The following NFYA variants were observed in gnomAD, a reference collection of about 807,000 sequenced individuals.
NFYA encodes nuclear transcription factor Y subunit alpha, also known as CAAT-box DNA binding protein subunit A.
Under a neutral mutation model 52.8 loss-of-function variants are expected in NFYA, and 28 were observed. The ratio of observed to expected loss-of-function variants is 0.53; its 90% CI spans 0.39 to 0.73. The LOEUF is 0.73. Ranked by LOEUF, NFYA falls within the 30% of genes least tolerant of loss-of-function variation. The pLI is 0.00. For missense variants in NFYA, 234 were observed against 427.0 expected (o/e 0.55, Z 3.98); for synonymous variants, 150 against 150.7 (o/e 1.00, Z 0.03).
intron 6 of NFYA, among the ~76,000 whole-genome samples, chr6:41,090,764 A>C (rs1369196742): frequency 6.6e-6 from 1 of 152,266 alleles, no homozygotes; most frequent in Non-Finnish European, 1.5e-5. Flanking sequence ...ACGTGAACAA[A>C]TAAATACAAT....
At chr6:41,095,394 T>C (rs897693018) in intron 9 of NFYA, among the ~76,000 whole-genome samples, 1 of 152,196 alleles carries the variant, frequency 6.6e-6, no homozygotes, top group Admixed American at 6.5e-5. Context: ...TATCTCCCTA[T>C]CTGTTAGGTC....
intron 2 of NFYA, among the ~76,000 whole-genome samples, chr6:41,079,403 G>A (rs1269279424): frequency 6.6e-6 from 1 of 152,166 alleles, no homozygotes; most frequent in African/African-American, 2.4e-5. Flanking sequence ...AAAACATCTA[G>A]TCTGGTTTTC....
chr6:41,098,956 T>C lies in NFYA; in HGVS notation c.*1546T>C, dbSNP rs765680327. 3.3e-5 allele frequency: 5 copies of C among 152,254 alleles called. No individual in the cohort carries two copies. Among genetic ancestry groups the C allele is most frequent in the Admixed American group, 6.5e-5 (1 of 15,276 alleles). The allele number at this position is 152,254 out of a possible 1,614,324, so 9.4% of individuals were successfully genotyped here. A position where few individuals can be genotyped will look rare whatever the true frequency, so the allele number is the denominator to read the frequency against. On this transcript the variant is annotated 3_prime_UTR_variant, in exon 10 of 10. Coordinates refer to ENST00000341376, the MANE Select transcript of NFYA (RefSeq NM_002505.5). ...GAAAACCCAATAATTCCGAGGAACA[T>C]TGGGGGTTAAATACCAAGAATAAAA...
Position 41,079,310 on chromosome 6 carries a change from A to C in NFYA, c.75+146A>C. On this transcript the variant is annotated intron_variant, in intron 2 of 9. Coordinates refer to ENST00000341376, the MANE Select transcript of NFYA (RefSeq NM_002505.5). ...GTCTGATGGCTTGTGCTGAAATGCC[A>C]TGTCTAGCCCATGACCACTTAGAAT... is the stretch of plus-strand genomic sequence containing the variant. 4.2e-6 allele frequency: 3 copies of C among 719,810 alleles called. No individual in the cohort carries two copies. The South Asian group carries it at 5.5e-5, about 13-fold the overall frequency. The allele number at this position is 719,810 out of a possible 1,614,324, so 44.6% of individuals were successfully genotyped here. A position where few individuals can be genotyped will look rare whatever the true frequency, so the allele number is the denominator to read the frequency against.
Position 41,100,369 on chromosome 6 carries a change from A to ATCAG in NFYA, c.*2959_*2960insTCAG, listed in dbSNP as rs1764466113. ...TTTGTTTTGGCAGAAGACCAAAACA[A>ATCAG]AAGTACTTTTCTGATTGTTAAAAAT... is the stretch of plus-strand genomic sequence containing the variant. On this transcript the variant is annotated 3_prime_UTR_variant, in exon 10 of 10. Coordinates refer to ENST00000341376, the MANE Select transcript of NFYA (RefSeq NM_002505.5). Among the ~76,000 whole-genome samples the ATCAG allele has an allele frequency of 6.6e-6, 1 of 152,230 alleles. No homozygotes were observed. The highest frequency in any genetic ancestry group is 1.5e-5 in the Non-Finnish European group (1 of 68,034).
intron 4 of NFYA, among the ~76,000 whole-genome samples, chr6:41,088,158 C>T (rs187344606): frequency 1.8e-4 from 27 of 152,234 alleles, no homozygotes; most frequent in African/African-American, 5.8e-4. Context: ...GTGGCCCACA[C>T]CTGTAATCCC....
chr6:41,097,679 C>A lies in NFYA; in HGVS notation c.*269C>A. 2.6e-6 allele frequency: 1 copy of A among 381,402 alleles called. No homozygotes were observed. The highest frequency in any genetic ancestry group is 5.0e-5 in the East Asian group (1 of 20,076). The allele number at this position is 381,402 out of a possible 1,614,324, so 23.6% of individuals were successfully genotyped here. A position where few individuals can be genotyped will look rare whatever the true frequency, so the allele number is the denominator to read the frequency against. On this transcript the variant is annotated 3_prime_UTR_variant, in exon 10 of 10. Coordinates refer to ENST00000341376, the MANE Select transcript of NFYA (RefSeq NM_002505.5). ...CATGGATTCGGATGATGCAAGGAGA[C>A]ACATGCCACCCCAGCAGTACACAAA...
At chr6:41,073,503 C>T (rs141533107) in intron 1 of NFYA, among the ~76,000 whole-genome samples, 7 of 152,208 alleles carry the variant, frequency 4.6e-5, no homozygotes, top group Non-Finnish European at 5.9e-5. Context: ...CAAACTTAAA[C>T]CTGCCCTTGC....
intron 5 of NFYA, 62 bp downstream of exon 5, chr6:41,089,772 T>G: frequency 1.3e-6 from 2 of 1,575,720 alleles, no homozygotes; most frequent in Non-Finnish European, 1.7e-6. Flanking sequence ...GATAACTGAG[T>G]CAGATATTTC....
chr6:41,077,311 A>G lies in NFYA; in HGVS notation c.-61-1718A>G, dbSNP rs566079424. ...TTTGACAAATTTGTACACCTGTGCA[A>G]CTGCTACCACAATGAAGATATAAAA... On this transcript the variant is annotated intron_variant, in intron 1 of 9. Transcript: ENST00000341376. Among the ~76,000 whole-genome samples the G allele has an allele frequency of 7.2e-5, 11 of 152,196 alleles. 1 individual carries two copies. In the South Asian group the frequency reaches 1.9e-3, roughly 26 times the overall value.
chr6:41,091,398 C>T, intron 6 of NFYA, 130 bp from the exon 7 acceptor site: 2 of 813,562 alleles, frequency 2.5e-6, no homozygotes, highest in Admixed American at 2.9e-5. Context: ...CTTTTTCTCC[C>T]CTTGTGTTTT....
chr6:41,093,902 T>C (rs1021986941), intron 8 of NFYA, among the ~76,000 whole-genome samples: 3 of 152,196 alleles, frequency 2.0e-5, no homozygotes, highest in Admixed American at 6.5e-5. Flanking sequence ...CAAATGCCTG[T>C]AGTCCTACTT....
chr6:41,091,402 G>A (rs1212426095), intron 6 of NFYA, 126 bp from the exon 7 acceptor site: 1 of 846,830 alleles, frequency 1.2e-6, no homozygotes, highest in Non-Finnish European at 1.8e-6. Context: ...TTCTCCCCTT[G>A]TGTTTTTCAG....
At chr6:41,080,584 A>G (rs1763877896) in intron 2 of NFYA, among the ~76,000 whole-genome samples, 1 of 152,184 alleles carries the variant, frequency 6.6e-6, no homozygotes, top group Non-Finnish European at 1.5e-5. Context: ...AATGATGACA[A>G]CTGTTTTGAG....
In NFYA at chr6:41,079,182, C is replaced by G; in HGVS notation, c.75+18C>G. ...AGCAGCAGGTATGGAAGCAAAACTG[C>G]TTTAAACATTACAGCAATGAAACTG... On this transcript the variant is annotated intron_variant, in intron 2 of 9. Coordinates refer to ENST00000341376, the MANE Select transcript of NFYA (RefSeq NM_002505.5). 6.2e-7 allele frequency: 1 copy of G among 1,612,570 alleles called. No homozygotes were observed. The highest frequency in any genetic ancestry group is 2.2e-5 in the East Asian group (1 of 44,864).
intron 6 of NFYA, 34 bp downstream of exon 6, chr6:41,090,343 T>C (rs763629023): frequency 6.8e-7 from 1 of 1,476,404 alleles, no homozygotes; most frequent in Non-Finnish European, 9.5e-7. Context: ...TAGGACTTTT[T>C]GGGGCAACTT....
rs188227321 is a variant in NFYA, at chr6:41,101,836, A to T, written c.*4426A>T. 2.6e-5 allele frequency among the ~76,000 whole-genome samples: 4 copies of T among 152,344 alleles called. No homozygotes were observed. The highest frequency in any genetic ancestry group is 1.3e-4 in the Admixed American group (2 of 15,310). On this transcript the variant is annotated 3_prime_UTR_variant, in exon 10 of 10. Coordinates refer to ENST00000341376, the MANE Select transcript of NFYA (RefSeq NM_002505.5). ...GGTGGTCCTTTGGATTCCCAGTGGC[A>T]GCAGCAACCAACCTGGCCCTTAGTA...
chr6:41,082,437 G>A (rs529708954), intron 3 of NFYA, among the ~76,000 whole-genome samples: 30 of 152,310 alleles, frequency 2.0e-4, no homozygotes, highest in Middle Eastern at 3.4e-3. Flanking sequence ...TGATGCATGT[G>A]TCTTTGTAAC....
intron 4 of NFYA, among the ~76,000 whole-genome samples, chr6:41,086,885 AT>A (rs1764061646): frequency 2.0e-5 from 3 of 152,204 alleles, no homozygotes; most frequent in Admixed American, 2.0e-4. Flanking sequence ...AAAGATCTAA[AT>A]GTAGAAAAGT....
Sources: allele counts gnomAD v4.1 joint callset (sites outside exome capture counted in the v4.1 genomes callset), GRCh38; gene constraint gnomAD v4.1.1; transcripts MANE v1.5; gene names NCBI Gene and HGNC (gene_info 2026-07-23, HGNC 2026-07-21).